ATP8A2: variants seen among roughly 807,000 people sequenced by gnomAD.
ATP8A2 encodes phospholipid-transporting ATPase IB.
A neutral mutation model predicts 165.6 loss-of-function variants in ATP8A2; 100 were observed. The observed-to-expected ratio is 0.60, with a 90% CI of 0.51 to 0.71. The LOEUF is 0.71. Among genes scored for constraint, ATP8A2 ranks in the 30% least tolerant of loss-of-function variants. The probability of loss-of-function intolerance (pLI) is 0.00; values close to 1 mark genes in which losing one functional copy is unlikely to be tolerated. For missense variants in ATP8A2, 1,227 were observed against 1,479.5 expected (o/e 0.83, Z 2.80); for synonymous variants, 543 against 548.8 (o/e 0.99, Z 0.15).
chr13:25,495,812 C>A (rs2036661179), intron 2 of ATP8A2, among the ~76,000 whole-genome samples: 1 of 151,992 alleles, frequency 6.6e-6, no homozygotes, highest in African/African-American at 2.4e-5. Context: ...CTTCCCATGG[C>A]TGTGTTCTGA....
At chr13:25,392,971 TGAC>T (rs1430465713) in intron 1 of ATP8A2, among the ~76,000 whole-genome samples, 1 of 152,078 alleles carries the variant, frequency 6.6e-6, no homozygotes, top group Non-Finnish European at 1.5e-5. Context: ...TATTTCAGGT[TGAC>T]ATGTCCCTCC....
At position 25,855,915 on chromosome 13, in the gene ATP8A2, T is replaced by A. The variant is rs142832815; in HGVS notation, c.2957-4280T>A. ...TTGATGGCTAATGATGTTTTGCTGT[T>A]CTTCATGCACTTACTGGCCATTTTG... On this transcript the variant is annotated intron_variant, in intron 30 of 36. Coordinates refer to ENST00000381655, the MANE Select transcript of ATP8A2 (RefSeq NM_016529.6). Among the ~76,000 whole-genome samples the A allele has an allele frequency of 2.0e-5, 3 of 152,372 alleles. No individual in the cohort carries two copies. In the East Asian group the frequency reaches 5.8e-4, roughly 29 times the overall value.
intron 7 of ATP8A2, among the ~76,000 whole-genome samples, chr13:25,539,127 T>TA (rs2038387664): frequency 6.6e-6 from 1 of 150,520 alleles, no homozygotes; most frequent in South Asian, 2.1e-4. Context: ...GACAAGGTCT[T>TA]ACTCTGTCAC....
chr13:25,697,533 G>A (rs1470748346), intron 24 of ATP8A2, among the ~76,000 whole-genome samples: 1 of 152,100 alleles, frequency 6.6e-6, no homozygotes, highest in East Asian at 1.9e-4. Flanking sequence ...CACCTGCCTC[G>A]GCCTCCCAGA....
chr13:25,535,749 A>G (rs151068757), intron 6 of ATP8A2, among the ~76,000 whole-genome samples: 254 of 152,190 alleles, frequency 1.7e-3, no homozygotes, highest in African/African-American at 5.8e-3. Flanking sequence ...TGGGAGGTGG[A>G]GGTTGCAGTG....
intron 25 of ATP8A2, among the ~76,000 whole-genome samples, chr13:25,767,708 A>G (rs548524522): frequency 6.6e-6 from 1 of 152,334 alleles, no homozygotes; most frequent in East Asian, 1.9e-4. Context: ...AAAATGCTAA[A>G]AGGGATATCA....
intron 1 of ATP8A2, among the ~76,000 whole-genome samples, chr13:25,407,603 C>G (rs774126018): frequency 6.6e-6 from 1 of 152,050 alleles, no homozygotes; most frequent in African/African-American, 2.4e-5. Context: ...ATGAGCTTGA[C>G]AAGTAGGGAT....
At chr13:25,828,219 A>G in intron 28 of ATP8A2, 27 bp downstream of exon 28, 1 of 1,559,610 alleles carries the variant, frequency 6.4e-7, no homozygotes, top group South Asian at 1.1e-5. Flanking sequence ...TCTATCTGAT[A>G]GCATGCAGAA....
At chr13:25,387,156 G>A (rs1327865667) in intron 1 of ATP8A2, among the ~76,000 whole-genome samples, 1 of 152,090 alleles carries the variant, frequency 6.6e-6, no homozygotes, top group African/African-American at 2.4e-5. Context: ...AAACATTGCC[G>A]AGGTGATTCT....
At chr13:25,420,641 A>T (rs2034272239) in intron 1 of ATP8A2, among the ~76,000 whole-genome samples, 1 of 152,196 alleles carries the variant, frequency 6.6e-6, no homozygotes, top group Non-Finnish European at 1.5e-5. Context: ...GTGCAGCAAA[A>T]CATCATGGTA....
chr13:25,990,614 G>A (rs1566332233), intron 35 of ATP8A2, among the ~76,000 whole-genome samples: 1 of 152,240 alleles, frequency 6.6e-6, no homozygotes. Flanking sequence ...AAATAGCGTT[G>A]AGAGGAAGCC....
At chr13:25,619,471 T>C (rs552980128) in intron 24 of ATP8A2, among the ~76,000 whole-genome samples, 14 of 152,022 alleles carry the variant, frequency 9.2e-5, no homozygotes, top group Non-Finnish European at 1.9e-4. Context: ...ATAAATAAAC[T>C]ACAAAAATTG....
intron 4 of ATP8A2, among the ~76,000 whole-genome samples, chr13:25,531,156 A>ATGTTATATATG (rs1488596052): frequency 4.9e-5 from 7 of 142,504 alleles, no homozygotes; most frequent in Non-Finnish European, 7.6e-5. Flanking sequence ...TGTTATATAT[A>ATGTTATATATG]TGATATATAT....
chr13:25,726,466 C>T (rs1158005256), intron 25 of ATP8A2, among the ~76,000 whole-genome samples: 1 of 152,218 alleles, frequency 6.6e-6, no homozygotes, highest in Non-Finnish European at 1.5e-5. Context: ...GCCTTTTCAG[C>T]TCCTAGTAGA....
chr13:25,938,395 G>A (rs1485475893), intron 33 of ATP8A2, among the ~76,000 whole-genome samples: 4 of 152,260 alleles, frequency 2.6e-5, no homozygotes, highest in South Asian at 2.1e-4. Flanking sequence ...TTAATAAAAC[G>A]TTGAAGTCTG....
chr13:25,892,124 C>T (rs1322302623), intron 33 of ATP8A2, among the ~76,000 whole-genome samples: 4 of 151,804 alleles, frequency 2.6e-5, no homozygotes, highest in Non-Finnish European at 4.4e-5. Context: ...TACAGGCGCC[C>T]GCCACCACAC....
At chr13:25,622,857 C>G (rs1242628329) in intron 24 of ATP8A2, among the ~76,000 whole-genome samples, 2 of 152,148 alleles carry the variant, frequency 1.3e-5, no homozygotes, top group Non-Finnish European at 2.9e-5. Context: ...ATAAGGGATA[C>G]TCAACATGTA....
chr13:25,611,072 A>G (rs765212924), intron 24 of ATP8A2, among the ~76,000 whole-genome samples: 4 of 152,026 alleles, frequency 2.6e-5, no homozygotes, highest in Non-Finnish European at 4.4e-5. Context: ...TTCTAGGTAT[A>G]TGATCATATC....
chr13:25,499,809 T>G (rs1296637780), intron 2 of ATP8A2, among the ~76,000 whole-genome samples: 1 of 152,188 alleles, frequency 6.6e-6, no homozygotes, highest in Non-Finnish European at 1.5e-5. Context: ...TAATAAGGGC[T>G]GTTAAAATAA....
Sources: allele counts gnomAD v4.1 joint callset (sites outside exome capture counted in the v4.1 genomes callset), GRCh38; gene constraint gnomAD v4.1.1; transcripts MANE v1.5; gene names NCBI Gene and HGNC (gene_info 2026-07-23, HGNC 2026-07-21).